B9D1: variants seen among roughly 807,000 people sequenced by gnomAD.
B9D1 encodes B9 domain containing 1.
A neutral mutation model predicts 26.1 loss-of-function variants in B9D1; 20 were observed. The observed-to-expected ratio is 0.77, with a 90% CI of 0.54 to 1.12. B9D1 has a LOEUF of 1.12. Among genes scored for constraint, B9D1 ranks in the 50% most tolerant of loss-of-function variants. The pLI, the probability that B9D1 is intolerant of heterozygous loss-of-function variation, is 0.00. For synonymous variants in B9D1, 105 were observed against 103.1 expected, an observed-to-expected ratio of 1.02 and a Z score of -0.11; for missense variants, 260 against 273.7, an observed-to-expected ratio of 0.95 and a Z score of 0.35.
downstream of B9D1, chr17:19,335,965 T>TA (rs1907409213): frequency 6.5e-6 from 1 of 152,750 alleles, no homozygotes; most frequent in Non-Finnish European, 1.5e-5. Flanking sequence ...TTCTCACCTC[T>TA]AGCTCTAAGG....
At chr17:19,340,578 A>T (rs1331501098), downstream of B9D1, among the ~76,000 whole-genome samples, 1 of 149,604 alleles carries the variant, frequency 6.7e-6, no homozygotes, top group East Asian at 2.1e-4. Flanking sequence ...TCCGGAGTGC[A>T]AGACCAGCCT....
At chr17:19,335,948 T>TAGA (rs2152243413), downstream of B9D1, 1 of 152,878 alleles carries the variant, frequency 6.5e-6, no homozygotes, top group East Asian at 1.9e-4. Context: ...TTTTCCACCA[T>TAGA]GGGAATTTCT....
intron 1 of B9D1, among the ~76,000 whole-genome samples, chr17:19,361,324 A>T (rs748751602): frequency 1.3e-5 from 2 of 152,118 alleles, no homozygotes; most frequent in Non-Finnish European, 2.9e-5. Flanking sequence ...TTTTCCACAA[A>T]ACCAGTCCCT....
In B9D1 at chr17:19,359,236, G is replaced by A. The variant is rs1336282107; in HGVS notation, c.132+1084C>T. On this transcript the variant is annotated intron_variant, in intron 2 of 6. Coordinates refer to ENST00000261499, the MANE Select transcript of B9D1 (RefSeq NM_015681.6). This position sits in a 1 kb window ranked among gnomAD's most constrained non-coding sequence, Gnocchi z 5.0. ...CACTTTCTCTGCTGAAAGTTCTCCA[G>A]TGGGATCCCATCTCCCTTTGAGTAA... Among the ~76,000 whole-genome samples, 1 of 152,184 alleles carries A rather than the reference G, an allele frequency of 6.6e-6. No individual in the cohort carries two copies. The highest frequency in any genetic ancestry group is 1.5e-5 in the Non-Finnish European group (1 of 68,036).
downstream of B9D1, chr17:19,335,673 A>T: frequency 2.4e-6 from 1 of 408,738 alleles, no homozygotes; most frequent in East Asian, 3.5e-5. Context: ...CTAACTCCAG[A>T]TATTATTTTT....
At chr17:19,339,605 T>A (rs906956582), downstream of B9D1, among the ~76,000 whole-genome samples, 1 of 152,324 alleles carries the variant, frequency 6.6e-6, no homozygotes, top group East Asian at 1.9e-4. Flanking sequence ...CCCCAAGCTC[T>A]CATTGGCTGA....
chr17:19,346,312 TC>T (rs1908765654), intron 5 of B9D1, among the ~76,000 whole-genome samples: 1 of 152,130 alleles, frequency 6.6e-6, no homozygotes, highest in Non-Finnish European at 1.5e-5. Flanking sequence ...CTGCCCTTCC[TC>T]CCCTCCACGG....
At chr17:19,348,398 G>A (rs1310081885) in intron 3 of B9D1, among the ~76,000 whole-genome samples, 1 of 152,136 alleles carries the variant, frequency 6.6e-6, no homozygotes, top group African/African-American at 2.4e-5. Context: ...CACCCGCTTC[G>A]TGTTGCCATT....
At chr17:19,342,226 C>T (rs772467250), downstream of B9D1, among the ~76,000 whole-genome samples, 3 of 152,118 alleles carry the variant, frequency 2.0e-5, no homozygotes, top group Non-Finnish European at 4.4e-5. Context: ...CTTCCTATTC[C>T]GAGAAGATGG....
downstream of B9D1, chr17:19,335,275 C>CT (rs1182116269): frequency 1.7e-5 from 15 of 884,290 alleles, no homozygotes; most frequent in Non-Finnish European, 3.3e-6. Context: ...GACTTTCAGC[C>CT]TTTTTGGCTA....
rs919157338 is a variant in B9D1, at chr17:19,345,362, A to G, written c.405-1505T>C. On this transcript the variant is annotated intron_variant, in intron 5 of 6. Coordinates refer to ENST00000261499, the MANE Select transcript of B9D1 (RefSeq NM_015681.6). ...TTTTAGGAACACCGTTTTTCTTGCT[A>G]TGTGAAGACTAGACTGGAGGGGTGG... Among the ~76,000 whole-genome samples the G allele has an allele frequency of 5.3e-5, 8 of 152,150 alleles. No homozygotes were observed. The East Asian group carries it at 9.6e-4, about 18-fold the overall frequency.
intron 3 of B9D1, among the ~76,000 whole-genome samples, chr17:19,351,773 C>T (rs1325619646): frequency 6.6e-6 from 1 of 152,212 alleles, no homozygotes; most frequent in Non-Finnish European, 1.5e-5. Flanking sequence ...CTGACCATTT[C>T]ATCTACCTTG....
intron 3 of B9D1, among the ~76,000 whole-genome samples, chr17:19,354,921 G>A (rs1910130549): frequency 6.6e-6 from 1 of 152,180 alleles, no homozygotes; most frequent in Non-Finnish European, 1.5e-5. Flanking sequence ...CATTTATCCT[G>A]CTTGAGTTTT....
downstream of B9D1, among the ~76,000 whole-genome samples, chr17:19,342,108 AC>A (rs1908034430): frequency 6.6e-6 from 1 of 152,090 alleles, no homozygotes; most frequent in South Asian, 2.1e-4. Flanking sequence ...GCAAGGACAC[AC>A]CCCTGCTCTA....
intron 5 of B9D1, among the ~76,000 whole-genome samples, 181 bp from the exon 6 acceptor site, chr17:19,344,038 GT>G (rs912531070): frequency 4.6e-5 from 7 of 152,348 alleles, no homozygotes; most frequent in Admixed American, 4.6e-4. Flanking sequence ...CCAGCGTGGG[GT>G]GTCCCTTGCC....
intron 1 of B9D1, chr17:19,377,827 G>C (rs1415706311): frequency 4.1e-6 from 4 of 985,084 alleles, no homozygotes; most frequent in Non-Finnish European, 4.8e-6. Context: ...CACGGGAATC[G>C]CGGGACAGAC....
At chr17:19,358,007 C>G (rs1910577981) in intron 2 of B9D1, 56 bp from the exon 3 acceptor site, 2 of 1,373,590 alleles carry the variant, frequency 1.5e-6, no homozygotes, top group African/African-American at 2.9e-5. Context: ...GCTGCTGCGG[C>G]TCCTCCCCTT....
chr17:19,344,477 A>G, intron 5 of B9D1: 1 of 273,024 alleles, frequency 3.7e-6, no homozygotes, highest in Non-Finnish European at 7.5e-6. Context: ...GCCAGGCGGG[A>G]GGCCAGGAGG....
Position 19,358,094 on chromosome 17 carries a change from T to C in B9D1, c.133-143A>G, listed in dbSNP as rs776488634. On this transcript the variant is annotated intron_variant, in intron 2 of 6. Coordinates refer to ENST00000261499, the MANE Select transcript of B9D1 (RefSeq NM_015681.6). ...ACACGAACTTCCAAACAAAGGGGAC[T>C]AAGAGATGATGGAGTACCTCTTTAA... The C allele has an allele frequency of 1.4e-4, 98 of 701,212 alleles. 1 individual carries two copies. The highest frequency in any genetic ancestry group is 2.8e-4 in the South Asian group (19 of 67,122). 43.4% of individuals were successfully genotyped at this position (701,212 alleles called of 1,614,324 possible). A position where few individuals can be genotyped will look rare whatever the true frequency, so the allele number is the denominator to read the frequency against.
Sources: allele counts gnomAD v4.1 joint callset (sites outside exome capture counted in the v4.1 genomes callset), GRCh38; gene constraint gnomAD v4.1.1; non-coding constraint Gnocchi (gnomAD v3.1); transcripts MANE v1.5; gene names NCBI Gene and HGNC (gene_info 2026-07-23, HGNC 2026-07-21).